LRCH3: variants seen among roughly 807,000 people sequenced by gnomAD.
The protein encoded by LRCH3 is DISP complex protein LRCH3.
Under a neutral mutation model 104.5 loss-of-function variants are expected in LRCH3, and 68 were observed. The observed-to-expected ratio is 0.65, with a 90% confidence interval of 0.54 to 0.80. The LOEUF (loss-of-function observed/expected upper bound fraction) is 0.80. LRCH3 is among the 30% of genes least tolerant of loss of function. The pLI is 0.00. For missense variants in LRCH3, 951 were observed against 953.9 expected (o/e 1.00, Z 0.04); for synonymous variants, 344 against 361.3 (o/e 0.95, Z 0.54).
At chr3:197,808,638 G>A (rs772455277) in intron 1 of LRCH3, among the ~76,000 whole-genome samples, 5 of 152,118 alleles carry the variant, frequency 3.3e-5, no homozygotes, top group East Asian at 1.9e-4. Flanking sequence ...TGGGCCAGGC[G>A]CAGTGGCTCA....
At chr3:197,800,081 C>T (rs1259294745) in intron 1 of LRCH3, among the ~76,000 whole-genome samples, 2 of 151,642 alleles carry the variant, frequency 1.3e-5, no homozygotes, top group African/African-American at 2.4e-5. Flanking sequence ...CCCAGCTACT[C>T]GGGAGGCTGA....
chr3:197,791,283 C>A lies in LRCH3; in HGVS notation c.5C>A (p.Ala2Glu). 6.2e-7 allele frequency: 1 copy of A among 1,607,786 alleles called. No homozygotes were observed. The highest frequency in any genetic ancestry group is 8.5e-7 in the Non-Finnish European group (1 of 1,178,456). ...CCGAGTGTTGTCGGCTGGGAAATGG[C>A]GGCCGCGGGCTTGGTCGCTGTGGCA... M[A>E]AAGLVAVAAA... is the part of the protein sequence containing the mutation. The change falls in exon 1 of 21, where the codon GCG (alanine) becomes GAG (glutamate). Residue 2 changes from alanine (A) to glutamate (E), a missense_variant. Coordinates refer to ENST00000425562, the MANE Select transcript of LRCH3 (RefSeq NM_001365715.1).
intron 19 of LRCH3, 60 bp downstream of exon 19, chr3:197,871,522 A>G (rs1712191343): frequency 6.3e-7 from 1 of 1,596,116 alleles, no homozygotes; most frequent in Non-Finnish European, 8.6e-7. Flanking sequence ...AGCACAGTGG[A>G]CAGACATTTC....
chr3:197,791,757 G>A (rs1006993075), intron 1 of LRCH3, among the ~76,000 whole-genome samples: 1 of 152,218 alleles, frequency 6.6e-6, no homozygotes, highest in Non-Finnish European at 1.5e-5. Flanking sequence ...TCTCGGGGAA[G>A]GGGGCCGGAG....
At chr3:197,834,596 A>G (rs951935412) in intron 8 of LRCH3, among the ~76,000 whole-genome samples, 1 of 152,174 alleles carries the variant, frequency 6.6e-6, no homozygotes, top group African/African-American at 2.4e-5. Context: ...TCCACCTGCC[A>G]TCTCCTCACG....
At chr3:197,837,151 C>G (rs1405578384) in intron 9 of LRCH3, among the ~76,000 whole-genome samples, 1 of 152,152 alleles carries the variant, frequency 6.6e-6, no homozygotes, top group Non-Finnish European at 1.5e-5. Context: ...ACTGATGAAA[C>G]TACTTGTTGA....
In LRCH3 at chr3:197,887,317, C is replaced by A. The variant is rs9863848; in HGVS notation, c.*3651C>A. 4,732 of 153,864 alleles carry A rather than the reference C, an allele frequency of 0.031. 259 individuals are homozygous for A. The highest frequency in any genetic ancestry group is 0.11 in the African/African-American group (4,505 of 41,476). 9.5% of individuals were successfully genotyped at this position (153,864 alleles called of 1,614,324 possible). ...CAGCTCCCCTGACCTGAAGCAGAGC[C>A]CTTCCCATCACTGACAGTGTTGGGG... On this transcript the variant is annotated 3_prime_UTR_variant, in exon 21 of 21. Coordinates refer to ENST00000425562, the MANE Select transcript of LRCH3 (RefSeq NM_001365715.1).
Position 197,810,057 on chromosome 3 carries a change from G to A in LRCH3, c.263-4851G>A, listed in dbSNP as rs547883759. On this transcript the variant is annotated intron_variant, in intron 1 of 20. Coordinates refer to ENST00000425562, the MANE Select transcript of LRCH3 (RefSeq NM_001365715.1). The surrounding 1 kb of genome is among the most constrained non-coding windows in gnomAD (Gnocchi z 4.0). ...TACTCAAAGGTTGCATGGGAAGCCTGTTTTTTTCCAGTTTTTTTCTGAGAT... is the reference window on the plus strand; with the variant it reads ...TACTCAAAGGTTGCATGGGAAGCCTATTTTTTTCCAGTTTTTTTCTGAGAT... Among the ~76,000 whole-genome samples the A allele has an allele frequency of 1.4e-3, 211 of 152,102 alleles. No homozygotes were observed. Among genetic ancestry groups the A allele is most frequent in the Admixed American group, 4.9e-3 (75 of 15,270 alleles).
In LRCH3 at chr3:197,888,047, C is replaced by T. The variant is rs1417620672; in HGVS notation, c.*4381C>T. ...TTCTGAAGAGCTTTTTAAAATACAG[C>T]TAATCAAGGAGTTTGCGATTTCTCT... On this transcript the variant is annotated 3_prime_UTR_variant, in exon 21 of 21. Coordinates refer to ENST00000425562, the MANE Select transcript of LRCH3 (RefSeq NM_001365715.1). 6 of 152,242 alleles carry T rather than the reference C, an allele frequency of 3.9e-5. No individual in the cohort carries two copies. The highest frequency in any genetic ancestry group is 1.4e-4 in the African/African-American group (6 of 41,468). 9.4% of individuals were successfully genotyped at this position (152,242 alleles called of 1,614,324 possible).
chr3:197,881,415 G>A lies in LRCH3; in HGVS notation c.2209-2126G>A, dbSNP rs1225689721. On this transcript the variant is annotated intron_variant, in intron 20 of 20. Coordinates refer to ENST00000425562, the MANE Select transcript of LRCH3 (RefSeq NM_001365715.1). Reference sequence around the variant, plus strand: ...TCTATACGCTGTATGTGCTGCACACGAGCAGATGGGCTGGAGCTGGCCTCT... The same window carrying A: ...TCTATACGCTGTATGTGCTGCACACAAGCAGATGGGCTGGAGCTGGCCTCT... The A allele has an allele frequency of 2.5e-5, 25 of 985,582 alleles. No individual in the cohort carries two copies. The East Asian group carries it at 3.4e-4, about 13-fold the overall frequency. 61.1% of individuals were successfully genotyped at this position (985,582 alleles called of 1,614,324 possible).
intron 4 of LRCH3, among the ~76,000 whole-genome samples, chr3:197,823,741 C>T (rs149445730): frequency 2.7e-3 from 405 of 152,260 alleles, no homozygotes; most frequent in Non-Finnish European, 4.4e-3. Context: ...ACCTCAGCCT[C>T]CCAAAGTGCT....
chr3:197,880,962 G>C (rs1713708693), intron 20 of LRCH3: 1 of 1,361,402 alleles, frequency 7.3e-7, no homozygotes, highest in African/African-American at 1.5e-5. Flanking sequence ...CCATTCTCCT[G>C]GCCTGTGGCC....
chr3:197,824,676 G>C (rs554349826), intron 4 of LRCH3, among the ~76,000 whole-genome samples: 1 of 150,020 alleles, frequency 6.7e-6, no homozygotes, highest in South Asian at 2.1e-4. Context: ...GGGTTCAAGT[G>C]ATTCTCTGCC....
intron 4 of LRCH3, among the ~76,000 whole-genome samples, chr3:197,824,569 C>T (rs1423275959): frequency 6.7e-6 from 1 of 148,752 alleles, no homozygotes; most frequent in Non-Finnish European, 1.5e-5. Context: ...GTATTGCTGC[C>T]CAGCTTTTTT....
intron 1 of LRCH3, 148 bp from the exon 2 acceptor site, chr3:197,814,760 G>C (rs1733613434): frequency 8.8e-6 from 5 of 565,788 alleles, no homozygotes; most frequent in Admixed American, 4.0e-5. Flanking sequence ...TACGATCTTT[G>C]ATATAATTTG....
At chr3:197,868,204 G>A (rs914149467) in intron 17 of LRCH3, among the ~76,000 whole-genome samples, 4 of 152,102 alleles carry the variant, frequency 2.6e-5, no homozygotes, top group African/African-American at 9.7e-5. Context: ...GTCATGGACA[G>A]AAAAATCTTC....
intron 12 of LRCH3, among the ~76,000 whole-genome samples, chr3:197,851,770 G>T (rs1739632377): frequency 6.6e-6 from 1 of 152,158 alleles, no homozygotes; most frequent in South Asian, 2.1e-4. Flanking sequence ...CTATAAGAGA[G>T]ATGGTGAATA....
At chr3:197,838,226 C>CCT (rs1207404504) in intron 9 of LRCH3, among the ~76,000 whole-genome samples, 2 of 152,236 alleles carry the variant, frequency 1.3e-5, no homozygotes, top group Non-Finnish European at 2.9e-5. Flanking sequence ...TTGAGGCCGG[C>CCT]CTGGGCCACA....
At chr3:197,792,577 T>TTATGTATATATATATATATA (rs1352243221) in intron 1 of LRCH3, among the ~76,000 whole-genome samples, 1 of 20,330 alleles carries the variant, frequency 4.9e-5, no homozygotes, top group Non-Finnish European at 1.2e-4. Context: ...CCAGCTAATT[T>TTATGTATATATATATATATA]TATATATATA....
Sources: allele counts gnomAD v4.1 joint callset (sites outside exome capture counted in the v4.1 genomes callset), GRCh38; gene constraint gnomAD v4.1.1; non-coding constraint Gnocchi (gnomAD v3.1); transcripts MANE v1.5; gene names NCBI Gene and HGNC (gene_info 2026-07-23, HGNC 2026-07-21).